Variants in CUBN observed in about 807,000 individuals in gnomAD.
CUBN encodes the protein 460 kDa receptor.
CUBN carries 282 observed loss-of-function variants against 405.3 expected under a neutral mutation model. The ratio of observed to expected loss-of-function variants is 0.70; its 90% CI spans 0.63 to 0.77. The LOEUF is 0.77. Ranked by LOEUF, CUBN falls within the 30% of genes least tolerant of loss-of-function variation. The probability of loss-of-function intolerance (pLI) is 0.00; values close to 1 mark genes in which losing one functional copy is unlikely to be tolerated. For missense variants in CUBN, 4,514 were observed against 4,475.2 expected (o/e 1.01, Z -0.25); for synonymous variants, 1,684 against 1,617.0 (o/e 1.04, Z -0.99).
At chr10:16,986,269 C>T (rs1333173029) in intron 29 of CUBN, among the ~76,000 whole-genome samples, 4 of 151,750 alleles carry the variant, frequency 2.6e-5, no homozygotes, top group Admixed American at 1.3e-4. Context: ...CCCACCCTCC[C>T]TCTGTGCCTT....
intron 14 of CUBN, among the ~76,000 whole-genome samples, chr10:17,099,501 T>C (rs1215521920): frequency 6.6e-6 from 1 of 152,198 alleles, no homozygotes; most frequent in Admixed American, 6.5e-5. Flanking sequence ...CATGCTTATT[T>C]TGTTGCCTTT....
At chr10:16,875,075 T>C (rs879735094) in intron 57 of CUBN, among the ~76,000 whole-genome samples, 1 of 152,008 alleles carries the variant, frequency 6.6e-6, no homozygotes, top group Non-Finnish European at 1.5e-5. Context: ...TTGCAGTCAG[T>C]TGTGAGACTG....
At chr10:17,003,623 GTATTTCAAAGTTA>G (rs1374109654) in intron 28 of CUBN, among the ~76,000 whole-genome samples, 15 of 152,262 alleles carry the variant, frequency 9.9e-5, no homozygotes, top group African/African-American at 3.4e-4. Context: ...TCATGAGTCT[GTATTTCAAAGTTA>G]TAACTTTGAA....
chr10:17,006,455 A>G (rs1248254920), intron 28 of CUBN, among the ~76,000 whole-genome samples: 1 of 152,204 alleles, frequency 6.6e-6, no homozygotes, highest in Non-Finnish European at 1.5e-5. Context: ...TTTGTCTTTA[A>G]AGGGTGAACC....
intron 60 of CUBN, among the ~76,000 whole-genome samples, chr10:16,841,346 A>G (rs1309622799): frequency 6.6e-6 from 1 of 152,142 alleles, no homozygotes; most frequent in Non-Finnish European, 1.5e-5. Flanking sequence ...GACTCACACT[A>G]TGGCCCCAAC....
At chr10:17,107,599 G>A (rs958648545) in intron 10 of CUBN, among the ~76,000 whole-genome samples, 3 of 146,932 alleles carry the variant, frequency 2.0e-5, no homozygotes, top group Non-Finnish European at 3.0e-5. Flanking sequence ...CCGGGTTCAC[G>A]CCATTCTCCT....
chr10:16,984,429 C>G (rs1474793088), intron 29 of CUBN, 150 bp from the exon 30 acceptor site: 12 of 783,880 alleles, frequency 1.5e-5, no homozygotes, highest in Admixed American at 6.9e-5. Flanking sequence ...GCACTATAAA[C>G]TTGAGCTGAG....
intron 15 of CUBN, among the ~76,000 whole-genome samples, chr10:17,087,466 C>CTTTTCT (rs1404980820): frequency 5.0e-5 from 4 of 79,770 alleles, no homozygotes; most frequent in South Asian, 8.8e-4. Context: ...TATTATTTTT[C>CTTTTCT]TTTTTCTTTT....
At chr10:17,011,033 T>A (rs1477808017) in intron 28 of CUBN, among the ~76,000 whole-genome samples, 1 of 152,212 alleles carries the variant, frequency 6.6e-6, no homozygotes, top group Non-Finnish European at 1.5e-5. Flanking sequence ...ACAGCTTAGA[T>A]GTCTATGCTT....
At chr10:17,113,631 C>T (rs372398495) in intron 8 of CUBN, among the ~76,000 whole-genome samples, 1 of 152,148 alleles carries the variant, frequency 6.6e-6, no homozygotes, top group Non-Finnish European at 1.5e-5. Flanking sequence ...TAATGACACA[C>T]CCAGGCAAGA....
At chr10:16,884,141 G>A (rs1039299484) in intron 56 of CUBN, among the ~76,000 whole-genome samples, 5 of 152,110 alleles carry the variant, frequency 3.3e-5, no homozygotes, top group South Asian at 2.1e-4. Context: ...CACCACGCCC[G>A]GCTAATTTTT....
At chr10:16,922,847 C>CTT (rs74700842) in intron 43 of CUBN, among the ~76,000 whole-genome samples, 47 of 140,126 alleles carry the variant, frequency 3.4e-4, no homozygotes, top group South Asian at 1.2e-3. Flanking sequence ...ATACCATGTT[C>CTT]TTTTTTTTTT....
intron 26 of CUBN, among the ~76,000 whole-genome samples, chr10:17,043,612 G>A (rs1002674442): frequency 4.6e-5 from 7 of 152,120 alleles, no homozygotes; most frequent in Admixed American, 1.3e-4. Context: ...CCCTCAAATG[G>A]AGTTAAACGA....
chr10:16,933,042 T>G, intron 40 of CUBN, 45 bp downstream of exon 40: 1 of 1,580,238 alleles, frequency 6.3e-7, no homozygotes, highest in Non-Finnish European at 8.7e-7. Flanking sequence ...CTAGAACTAA[T>G]TATGTGTCAG....
chr10:17,040,020 A>G (rs577773896), intron 27 of CUBN, among the ~76,000 whole-genome samples: 8 of 152,320 alleles, frequency 5.3e-5, no homozygotes, highest in African/African-American at 1.9e-4. Flanking sequence ...TAGTTTTCCT[A>G]TACAACTTGT....
chr10:16,866,832 A>T (rs1840199795), intron 59 of CUBN, among the ~76,000 whole-genome samples: 2 of 152,224 alleles, frequency 1.3e-5, no homozygotes, highest in African/African-American at 2.4e-5. Context: ...ATGGGCCTCC[A>T]GCAGCAGAAG....
chr10:16,842,171 A>T (rs534824642), intron 60 of CUBN, among the ~76,000 whole-genome samples: 10 of 151,892 alleles, frequency 6.6e-5, no homozygotes, highest in Admixed American at 3.3e-4. Context: ...CAGCCTCCCA[A>T]GTACCTGGGA....
At chr10:16,966,002 G>T (rs1207365348) in intron 31 of CUBN, 1 of 470,870 alleles carries the variant, frequency 2.1e-6, no homozygotes, top group African/African-American at 2.0e-5. Context: ...AAATCAAGTT[G>T]TATTCATTCA....
chr10:16,957,957 TC>T (rs1315391538), intron 31 of CUBN, among the ~76,000 whole-genome samples: 1 of 151,092 alleles, frequency 6.6e-6, no homozygotes, highest in African/African-American at 2.4e-5. Flanking sequence ...AAAATAAGAC[TC>T]TTCTGGTTTT....
Sources: gnomAD v4.1 joint callset for allele counts (sites outside exome capture counted in the v4.1 genomes callset) on GRCh38, gnomAD v4.1.1 for gene constraint, MANE v1.5 for transcripts, NCBI Gene and HGNC (gene_info 2026-07-23, HGNC 2026-07-21) for gene names.